Variants in NAF1 observed in about 807,000 individuals in gnomAD.
The protein encoded by NAF1 is nuclear assembly factor 1 ribonucleoprotein.
NAF1 carries 11 observed loss-of-function variants against 40.6 expected under a neutral mutation model. The ratio of observed to expected loss-of-function variants is 0.27; its 90% CI spans 0.17 to 0.45. NAF1 has a LOEUF of 0.45. Ranked by LOEUF, NAF1 falls within the 20% of genes least tolerant of loss-of-function variation. The pLI is 1.00. For synonymous variants in NAF1, 260 were observed against 228.5 expected, an observed-to-expected ratio of 1.14 and a Z score of -1.24; for missense variants, 607 against 611.1, an observed-to-expected ratio of 0.99 and a Z score of 0.07.
At position 163,129,300 on chromosome 4, in the gene NAF1, G is replaced by A; in HGVS notation, c.1082C>T (p.Ala361Val). 1 of 1,613,428 alleles carries A rather than the reference G, an allele frequency of 6.2e-7. No homozygotes were observed. The highest frequency in any genetic ancestry group is 8.5e-7 in the Non-Finnish European group (1 of 1,179,334). The change falls in exon 8 of 8, where the codon GCT becomes GTT. Residue 361 changes from alanine (A) to valine (V), a missense_variant. By Grantham distance (64) the Ala-to-Val change is moderately conservative (BLOSUM62 0). Transcript: ENST00000274054. ...VHQNWNAHSSASEHAKGYRNR... is the reference protein window; with the variant it reads ...VHQNWNAHSSVSEHAKGYRNR... ...ACGATATCCTTTTGCATGCTCTGAA[G>A]CAGAGCTATGAGCATTCCAATTCTG... is the stretch of plus-strand genomic sequence containing the variant.
rs375320536 is a variant in NAF1 at position 163,148,294 on chromosome 4, T to A, written c.634+47A>T. The stretch of plus-strand genomic sequence containing the variant: ...TCATAAAAGTCATTGATTCAATTAT[T>A]AGTGTGTGTTTGGAAACAATTTTTA... On this transcript the variant is annotated intron_variant, in intron 3 of 7. Transcript: ENST00000274054. The A allele has an allele frequency of 1.3e-4, 147 of 1,143,908 alleles. No homozygotes were observed. In the African/African-American group the frequency reaches 2.1e-3, roughly 16 times the overall value. 70.9% of individuals were successfully genotyped at this position (1,143,908 alleles called of 1,614,324 possible). A position where few individuals can be genotyped will look rare whatever the true frequency, so the allele number is the denominator to read the frequency against.
chr4:163,132,715 G>A (rs1204552358), intron 7 of NAF1, among the ~76,000 whole-genome samples: 1 of 152,154 alleles, frequency 6.6e-6, no homozygotes, highest in Non-Finnish European at 1.5e-5. Context: ...TGTTGCAACT[G>A]GGGGAAACTG....
chr4:163,161,755 T>A (rs1008946614), intron 2 of NAF1, among the ~76,000 whole-genome samples: 6 of 152,176 alleles, frequency 3.9e-5, no homozygotes, highest in Admixed American at 3.9e-4. Context: ...GTGAGTATAA[T>A]CCGTTGTTAC....
chr4:163,153,889 T>A (rs947181054), intron 2 of NAF1, among the ~76,000 whole-genome samples: 119 of 152,194 alleles, frequency 7.8e-4, no homozygotes, highest in African/African-American at 2.6e-3. Context: ...ACTCTTTGGG[T>A]CCACACTGCT....
Position 163,129,085 on chromosome 4 carries a change from T to C in NAF1, c.1297A>G (p.Asn433Asp). Residue 433 changes from asparagine (N) to aspartate (D), a missense_variant, in exon 8 of 8, where the codon AAT becomes GAT. Around this residue, in one of 3 missense-constraint regions of NAF1, gnomAD observed 189 missense variants for 216.6 expected, o/e 0.87. Transcript: ENST00000274054. ...GGGGGTGGAGGGCGGAGGGGAAAATTATGCATGTCAAACACTGGAAGAGGA... is the reference window on the plus strand; with the variant it reads ...GGGGGTGGAGGGCGGAGGGGAAAATCATGCATGTCAAACACTGGAAGAGGA... Reference protein sequence around the residue: ...PFPLPVFDMHNFPLRPPPPPP... With the variant: ...PFPLPVFDMHDFPLRPPPPPP... 1 of 1,597,924 alleles carries C rather than the reference T, an allele frequency of 6.3e-7. No individual in the cohort carries two copies. Among genetic ancestry groups the C allele is most frequent in the East Asian group, 2.2e-5 (1 of 44,628 alleles).
At chr4:163,131,893 A>G (rs1008728432) in intron 7 of NAF1, among the ~76,000 whole-genome samples, 1 of 152,232 alleles carries the variant, frequency 6.6e-6, no homozygotes, top group African/African-American at 2.4e-5. Context: ...ATACAATTTA[A>G]AAGTTGGCAA....
chr4:163,160,513 C>T (rs1732174366), intron 2 of NAF1, among the ~76,000 whole-genome samples: 1 of 152,106 alleles, frequency 6.6e-6, no homozygotes, highest in Non-Finnish European at 1.5e-5. Flanking sequence ...CTGCATTGTA[C>T]ATAGTTAGAT....
At chr4:163,110,960 C>A (rs747622676) in intron 2 of NAF1, among the ~76,000 whole-genome samples, 1 of 152,074 alleles carries the variant, frequency 6.6e-6, no homozygotes, top group African/African-American at 2.4e-5. Context: ...AATTGTATTC[C>A]TTTTCACATA....
chr4:163,145,744 A>T (rs1279836881), intron 4 of NAF1, 38 bp downstream of exon 4: 1 of 1,308,780 alleles, frequency 7.6e-7, no homozygotes, highest in Non-Finnish European at 1.1e-6. Context: ...ACAATAAATA[A>T]ATAGAATAAT....
intron 3 of NAF1, among the ~76,000 whole-genome samples, chr4:163,147,929 AG>A (rs1731538180): frequency 6.6e-6 from 1 of 152,148 alleles, no homozygotes. Context: ...AAAAAGAGCA[AG>A]GAAGTAAGAT....
At chr4:163,118,493 C>T (rs1034307029) in intron 2 of NAF1, among the ~76,000 whole-genome samples, 3 of 152,228 alleles carry the variant, frequency 2.0e-5, no homozygotes, top group African/African-American at 7.2e-5. Context: ...TGGCTCACGC[C>T]TGTAATCCCA....
chr4:163,153,673 G>A (rs904087276), intron 2 of NAF1, among the ~76,000 whole-genome samples: 1 of 152,072 alleles, frequency 6.6e-6, no homozygotes, highest in African/African-American at 2.4e-5. Context: ...GAGAACCTTT[G>A]TATCTAGCTC....
At chr4:163,150,003 C>T (rs1731632660) in intron 2 of NAF1, among the ~76,000 whole-genome samples, 1 of 152,024 alleles carries the variant, frequency 6.6e-6, no homozygotes, top group Non-Finnish European at 1.5e-5. Context: ...TCCAGAAGTA[C>T]AGTGATAAAA....
rs1406347084 is a variant in NAF1 at position 163,128,735 on chromosome 4, C to A, written c.*162G>T. On this transcript the variant is annotated 3_prime_UTR_variant, in exon 8 of 8. Transcript: ENST00000274054. ...TTGAGCTGACATTTTCATATGAATA[C>A]AATTTCACAAAGGTTACAAATATAT... 2 of 1,096,248 alleles carry A rather than the reference C, an allele frequency of 1.8e-6. No homozygotes were observed. The highest frequency in any genetic ancestry group is 2.3e-6 in the Non-Finnish European group (2 of 855,372). 67.9% of individuals were successfully genotyped at this position (1,096,248 alleles called of 1,614,324 possible). A position where few individuals can be genotyped will look rare whatever the true frequency, so the allele number is the denominator to read the frequency against.
chr4:163,161,743 T>C (rs145620930), intron 2 of NAF1, among the ~76,000 whole-genome samples: 16 of 152,290 alleles, frequency 1.1e-4, no homozygotes, highest in African/African-American at 3.6e-4. Flanking sequence ...CCTTTCCCTC[T>C]AGTGAGTATA....
At chr4:163,126,013 C>T (rs963600051), downstream of NAF1, among the ~76,000 whole-genome samples, 19 of 152,150 alleles carry the variant, frequency 1.2e-4, no homozygotes, top group African/African-American at 3.6e-4. Flanking sequence ...TTACTGAAGA[C>T]GTTAAGTCCA....
chr4:163,141,313 G>A (rs1193353996), intron 4 of NAF1, among the ~76,000 whole-genome samples: 2 of 152,144 alleles, frequency 1.3e-5, no homozygotes, highest in African/African-American at 2.4e-5. Flanking sequence ...GCAGTGAACC[G>A]AGATTGTGCC....
At chr4:163,153,669 C>G (rs947008018) in intron 2 of NAF1, among the ~76,000 whole-genome samples, 1 of 152,130 alleles carries the variant, frequency 6.6e-6, no homozygotes, top group Non-Finnish European at 1.5e-5. Flanking sequence ...CATGGAGAAC[C>G]TTTGTATCTA....
exon 3 of NAF1, chr4:163,110,158 A>G (rs1185307831): frequency 3.3e-6 from 2 of 601,842 alleles, no homozygotes; most frequent in East Asian, 2.9e-5. Context: ...TCTTCTATGG[A>G]TAAGAATGCT....
Sources: allele counts gnomAD v4.1 joint callset (sites outside exome capture counted in the v4.1 genomes callset), GRCh38; gene constraint gnomAD v4.1.1; regional missense constraint gnomAD v4.1.1; transcripts MANE v1.5; gene names NCBI Gene and HGNC (gene_info 2026-07-23, HGNC 2026-07-21).